Variants in GSE1 observed in about 807,000 individuals in gnomAD.
GSE1 encodes the protein Gse1 coiled-coil protein.
A neutral mutation model predicts 112.6 loss-of-function variants in GSE1; 32 were observed. That is an observed-to-expected ratio of 0.28 (90% CI 0.21 to 0.38). GSE1 has a LOEUF of 0.38. Ranked by LOEUF, GSE1 falls within the 10% of genes least tolerant of loss-of-function variation. GSE1 has a pLI of 1.00. For synonymous variants in GSE1, 1,115 were observed against 735.6 expected, an observed-to-expected ratio of 1.52 and a Z score of -8.35; for missense variants, 2,348 against 1,699.2, an observed-to-expected ratio of 1.38 and a Z score of -6.71.
At chr16:85,261,857 A>C (rs1290362105) in intron 1 of GSE1, among the ~76,000 whole-genome samples, 3 of 152,202 alleles carry the variant, frequency 2.0e-5, no homozygotes, top group Non-Finnish European at 4.4e-5. Context: ...GGGGCGTATC[A>C]GCACCTGTGA....
At chr16:85,467,371 A>G (rs987220214) in intron 2 of GSE1, among the ~76,000 whole-genome samples, 4 of 152,252 alleles carry the variant, frequency 2.6e-5, no homozygotes, top group Admixed American at 6.5e-5. Context: ...CTATGTAACA[A>G]ACTACCCCAA....
chr16:85,572,472 T>TCA (rs895072757), intron 1 of GSE1, among the ~76,000 whole-genome samples: 1 of 80,948 alleles, frequency 1.2e-5, no homozygotes, highest in African/African-American at 4.5e-5. Context: ...ACAACACACA[T>TCA]CACACACACC....
At chr16:85,342,188 G>T (rs2151541802) in intron 1 of GSE1, among the ~76,000 whole-genome samples, 2 of 151,778 alleles carry the variant, frequency 1.3e-5, no homozygotes, top group South Asian at 4.2e-4. Context: ...ATGATCCCGT[G>T]ACAGAAACCC....
intron 2 of GSE1, among the ~76,000 whole-genome samples, chr16:85,481,725 A>G (rs534810823): frequency 2.0e-5 from 3 of 152,302 alleles, no homozygotes; most frequent in African/African-American, 7.2e-5. Context: ...CGCCAGAGCA[A>G]ATGCATTTAG....
Position 85,657,433 on chromosome 16 carries a change from G to A in GSE1, c.1469G>A (p.Arg490His), listed in dbSNP as rs1423033999. Reference protein sequence around the residue: ...SSAATALLIQRTNEEEKWLAR... With the variant: ...SSAATALLIQHTNEEEKWLAR... The stretch of plus-strand genomic sequence containing the variant: ...GCTGCCACAGCCCTGCTGATCCAGC[G>A]CACCAATGAGGAGGAGAAGTGGCTG... Residue 490 changes from arginine to histidine, a missense_variant, in exon 8 of 16, where the codon CGC becomes CAC. By Grantham distance (29) the Arg-to-His change is conservative. Coordinates refer to ENST00000253458, the MANE Select transcript of GSE1 (RefSeq NM_014615.5). The A allele has an allele frequency of 6.2e-6, 10 of 1,612,416 alleles. No homozygotes were observed. The highest frequency in any genetic ancestry group is 8.5e-6 in the Non-Finnish European group (10 of 1,179,810).
intron 2 of GSE1, among the ~76,000 whole-genome samples, chr16:85,396,745 G>C (rs1043920617): frequency 5.3e-5 from 8 of 152,270 alleles, no homozygotes; most frequent in Admixed American, 5.2e-4. Flanking sequence ...GTGGGGACTT[G>C]ACCCAGGAGT....
intron 11 of GSE1, chr16:85,664,747 G>C (rs1370969536): frequency 1.3e-5 from 5 of 388,942 alleles, no homozygotes; most frequent in Non-Finnish European, 4.7e-6. Flanking sequence ...GAGGTCCGTG[G>C]GCACAGTGAT....
intron 2 of GSE1, among the ~76,000 whole-genome samples, chr16:85,645,531 G>A (rs902174613): frequency 2.6e-4 from 39 of 152,150 alleles, no homozygotes; most frequent in African/African-American, 8.5e-4. Context: ...AGCACCTTTG[G>A]GAGAGCAAAG....
intron 2 of GSE1, among the ~76,000 whole-genome samples, chr16:85,480,383 G>A (rs932709520): frequency 2.0e-5 from 3 of 152,318 alleles, no homozygotes; most frequent in South Asian, 2.1e-4. Context: ...GGCAGGGGGC[G>A]CGCGTGGCAC....
In GSE1 at chr16:85,656,580, G is replaced by A. The variant is rs536825987; in HGVS notation, c.1227G>A (p.Leu409=). Residue 409 remains leucine, a synonymous_variant, in exon 7 of 16, where the codon CTG becomes CTA. Coordinates refer to ENST00000253458, the MANE Select transcript of GSE1 (RefSeq NM_014615.5). ...CCAAGGCCCTGGAGCCCAGCTTCCT[G>A]CCCGTGGCCGAGCTGCATGGGCTGC... ...LAAKALEPSF[L]PVAELHGLRG... The A allele has an allele frequency of 8.4e-6, 13 of 1,547,484 alleles. No homozygotes were observed. In the African/African-American group the frequency reaches 1.6e-4, roughly 20 times the overall value.
Position 85,648,572 on chromosome 16 carries a change from T to C in GSE1, c.247T>C (p.Ser83Pro). ...EPRGSSLSSE[S>P]SPVSSPATNH... Reference sequence around the variant, plus strand: ...CACAGGGTCCTCACTGAGCAGCGAGTCGTCCCCCGTGTCCTCTCCGGCCAC... The same window carrying C: ...CACAGGGTCCTCACTGAGCAGCGAGCCGTCCCCCGTGTCCTCTCCGGCCAC... The change falls in exon 3 of 16, where the codon TCG (serine) becomes CCG (proline). Residue 83 changes from serine to proline, a missense_variant. Coordinates refer to ENST00000253458, the MANE Select transcript of GSE1 (RefSeq NM_014615.5). 6.3e-7 allele frequency: 1 copy of C among 1,575,348 alleles called. No individual in the cohort carries two copies. Among genetic ancestry groups the C allele is most frequent in the Non-Finnish European group, 8.6e-7 (1 of 1,160,760 alleles).
rs536505797 is a variant in GSE1 at position 85,226,190 on chromosome 16, G to A, written c.2283+54383G>A. Among the ~76,000 whole-genome samples, 7 of 152,292 alleles carry A rather than the reference G, an allele frequency of 4.6e-5. No individual in the cohort carries two copies. In the South Asian group the frequency reaches 6.2e-4, roughly 14 times the overall value. On this transcript the variant is annotated intron_variant, in intron 1 of 2. Transcript: ENST00000637419. The stretch of plus-strand genomic sequence containing the variant: ...GTCAGAGGATCCATGGACATGTTCC[G>A]AAACCACCACTGGCAGAGAGGCCGT...
intron 1 of GSE1, among the ~76,000 whole-genome samples, chr16:85,584,056 T>G (rs1327521986): frequency 6.6e-6 from 1 of 152,206 alleles, no homozygotes; most frequent in Non-Finnish European, 1.5e-5. Flanking sequence ...GTTTCATTCT[T>G]GTCATGAAAT....
At chr16:85,573,436 T>G (rs2046093124) in intron 1 of GSE1, among the ~76,000 whole-genome samples, 1 of 152,150 alleles carries the variant, frequency 6.6e-6, no homozygotes, top group Non-Finnish European at 1.5e-5. Flanking sequence ...CTGGCGTGCA[T>G]GTTTTTGTGT....
chr16:85,246,501 C>CA (rs1491489463), intron 1 of GSE1, among the ~76,000 whole-genome samples: 8 of 40,348 alleles, frequency 2.0e-4, no homozygotes, highest in African/African-American at 8.2e-4. Flanking sequence ...ACTCTACACA[C>CA]CCCCCCCCCC....
At chr16:85,326,257 G>A (rs72809693) in intron 1 of GSE1, among the ~76,000 whole-genome samples, 12,781 of 152,198 alleles carry the variant, frequency 0.084, 736 homozygotes, top group East Asian at 0.23. Flanking sequence ...TGAGCCACCC[G>A]CCTGGTTTGA....
chr16:85,532,463 T>C (rs558663739), intron 2 of GSE1, among the ~76,000 whole-genome samples: 8 of 152,286 alleles, frequency 5.3e-5, no homozygotes, highest in African/African-American at 1.7e-4. Flanking sequence ...AAGTCTCCCT[T>C]TGTAGCCAGG....
intron 13 of GSE1, chr16:85,666,579 C>A: frequency 1.7e-6 from 1 of 571,984 alleles, no homozygotes; most frequent in Non-Finnish European, 3.1e-6. Flanking sequence ...AGCGCTGACG[C>A]TGTGCTGTGA....
intron 1 of GSE1, among the ~76,000 whole-genome samples, chr16:85,278,240 C>A (rs564729013): frequency 6.6e-6 from 1 of 152,322 alleles, no homozygotes; most frequent in South Asian, 2.1e-4. Flanking sequence ...GACCCAGGCC[C>A]TTTGCAGAGT....
Sources: gnomAD v4.1 joint callset for allele counts (sites outside exome capture counted in the v4.1 genomes callset) on GRCh38, gnomAD v4.1.1 for gene constraint, MANE v1.5 for transcripts, NCBI Gene and HGNC (gene_info 2026-07-23, HGNC 2026-07-21) for gene names.